Variants in ADARB2 observed in about 807,000 individuals in gnomAD.
ADARB2 encodes adenosine deaminase RNA specific B2 (inactive), also known as inactive double-stranded RNA-specific editase B2.
Under a neutral mutation model 62.2 loss-of-function variants are expected in ADARB2, and 25 were observed. The observed-to-expected ratio is 0.40, with a 90% CI of 0.29 to 0.56. The LOEUF is 0.56. Among genes scored for constraint, ADARB2 ranks in the 20% least tolerant of loss-of-function variants. ADARB2 has a pLI of 0.43. For synonymous variants in ADARB2, 572 were observed against 500.8 expected, an observed-to-expected ratio of 1.14 and a Z score of -1.90; for missense variants, 1,071 against 1,077.4, an observed-to-expected ratio of 0.99 and a Z score of 0.08.
intron 3 of ADARB2, among the ~76,000 whole-genome samples, chr10:1,311,870 ATG>A (rs1035902997): frequency 6.6e-5 from 10 of 152,174 alleles, no homozygotes; most frequent in Non-Finnish European, 1.3e-4. Context: ...CTCCCGGAGA[ATG>A]TGAGTGTAAT....
intron 1 of ADARB2, among the ~76,000 whole-genome samples, chr10:1,554,892 C>A (rs181847958): frequency 1.5e-4 from 23 of 152,216 alleles, no homozygotes; most frequent in Non-Finnish European, 2.4e-4. Context: ...TGTCCCCCTG[C>A]CCCCTCCCAG....
intron 1 of ADARB2, among the ~76,000 whole-genome samples, chr10:1,514,999 C>T (rs1831991419): frequency 6.6e-6 from 1 of 151,978 alleles, no homozygotes; most frequent in African/African-American, 2.4e-5. Flanking sequence ...TGGAAAGGCA[C>T]ACTGTGAACA....
At chr10:1,537,252 C>A (rs746866557) in intron 1 of ADARB2, among the ~76,000 whole-genome samples, 2 of 152,188 alleles carry the variant, frequency 1.3e-5, no homozygotes, top group Non-Finnish European at 2.9e-5. Context: ...CAAATCAAAA[C>A]CACACTGAGA....
intron 3 of ADARB2, among the ~76,000 whole-genome samples, chr10:1,284,512 G>T (rs1343281438): frequency 6.6e-6 from 1 of 152,196 alleles, no homozygotes; most frequent in South Asian, 2.1e-4. Flanking sequence ...CACCCTGCGA[G>T]GCTCTCGATT....
Position 1,405,887 on chromosome 10 carries a change from G to GTTTATTAAACCCTTCCCCTAGATA in ADARB2, c.101-26728_101-26727insTATCTAGGGGAAGGGTTTAATAAA, listed in dbSNP as rs1564281239. Among the ~76,000 whole-genome samples, 3 of 150,332 alleles carry GTTTATTAAACCCTTCCCCTAGATA rather than the reference G, an allele frequency of 2.0e-5. 1 individual carries two copies. Among genetic ancestry groups the GTTTATTAAACCCTTCCCCTAGATA allele is most frequent in the Non-Finnish European group, 3.0e-5 (2 of 67,402 alleles). On this transcript the variant is annotated intron_variant, in intron 1 of 9. Transcript: ENST00000381312. Reference sequence around the variant, plus strand: ...CATTTATGAAACCCTTCGCCATGATGCACCTGTTTATTAAACCCTTCCCCT... The same window carrying GTTTATTAAACCCTTCCCCTAGATA: ...CATTTATGAAACCCTTCGCCATGATGTTTATTAAACCCTTCCCCTAGATACACCTGTTTATTAAACCCTTCCCCT...
intron 3 of ADARB2, among the ~76,000 whole-genome samples, chr10:1,329,577 T>G (rs1831908293): frequency 6.6e-6 from 1 of 152,202 alleles, no homozygotes; most frequent in Admixed American, 6.5e-5. Context: ...TGGTGGTTTC[T>G]GCCCCATCAG....
intron 1 of ADARB2, among the ~76,000 whole-genome samples, chr10:1,732,183 T>A (rs919980007): frequency 6.6e-6 from 1 of 151,896 alleles, no homozygotes; most frequent in Non-Finnish European, 1.5e-5. Flanking sequence ...TATATACATA[T>A]ACATACATAC....
chr10:1,209,331 TCACCCA>T (rs1269977596), intron 7 of ADARB2, among the ~76,000 whole-genome samples: 23 of 140,730 alleles, frequency 1.6e-4, no homozygotes, highest in African/African-American at 6.0e-4. Flanking sequence ...ACCCACGCCA[TCACCCA>T]CACCCATGCC....
At position 1,617,319 on chromosome 10, in the gene ADARB2, C is replaced by T. The variant is rs1349855664; in HGVS notation, c.100+119732G>A. Among the ~76,000 whole-genome samples, 20 of 118,622 alleles carry T rather than the reference C, an allele frequency of 1.7e-4. 2 individuals are homozygous for T. The Admixed American group carries it at 1.8e-3, about 11-fold the overall frequency. 77.8% of individuals were successfully genotyped at this position (118,622 alleles called of 152,430 possible). ...GCCCGTCCAGACACACTCCACACCG[C>T]CCTGCTGAGCTCTGCATCCTGGGAA... is the stretch of plus-strand genomic sequence containing the variant. On this transcript the variant is annotated intron_variant, in intron 1 of 9. Transcript: ENST00000381312.
Position 1,287,137 on chromosome 10 carries a change from G to A in ADARB2, c.1078-16068C>T, listed in dbSNP as rs1177177932. On this transcript the variant is annotated intron_variant, in intron 3 of 9. Coordinates refer to ENST00000381312, the MANE Select transcript of ADARB2 (RefSeq NM_018702.4). ...CTGTCTTGGCTAACTCTCTGACTTT[G>A]CTGCTGCTGGTGAGGCCTGTCCCCC... is the stretch of plus-strand genomic sequence containing the variant. Among the ~76,000 whole-genome samples the A allele has an allele frequency of 2.0e-5, 3 of 152,274 alleles. No individual in the cohort carries two copies. In the East Asian group the frequency reaches 5.8e-4, roughly 29 times the overall value.
chr10:1,536,751 G>A (rs1832337957), intron 1 of ADARB2, among the ~76,000 whole-genome samples: 1 of 152,136 alleles, frequency 6.6e-6, no homozygotes, highest in Non-Finnish European at 1.5e-5. Flanking sequence ...GGGAAAACTG[G>A]CCAGCCGCAA....
At chr10:1,196,855 G>C (rs1836918108) in intron 8 of ADARB2, among the ~76,000 whole-genome samples, 2 of 152,242 alleles carry the variant, frequency 1.3e-5, no homozygotes, top group African/African-American at 4.8e-5. Flanking sequence ...TCCCACCTCA[G>C]CCTTCCAAAG....
chr10:1,476,918 G>C (rs748508820), intron 1 of ADARB2, among the ~76,000 whole-genome samples: 1 of 152,086 alleles, frequency 6.6e-6, no homozygotes, highest in Non-Finnish European at 1.5e-5. Context: ...TCACATGCTC[G>C]GGAACACTCC....
At chr10:1,588,523 G>A in intron 1 of ADARB2, among the ~76,000 whole-genome samples, 1 of 152,218 alleles carries the variant, frequency 6.6e-6, no homozygotes, top group East Asian at 1.9e-4. Context: ...GGGAGGATTT[G>A]CTGGTGAACA....
chr10:1,506,256 G>T (rs973503339), intron 1 of ADARB2, among the ~76,000 whole-genome samples: 1 of 152,120 alleles, frequency 6.6e-6, no homozygotes, highest in African/African-American at 2.4e-5. Context: ...TTGTCGTGCG[G>T]CTCATTTCAA....
chr10:1,611,219 C>T (rs1009900064), intron 1 of ADARB2, among the ~76,000 whole-genome samples: 1 of 152,148 alleles, frequency 6.6e-6, no homozygotes, highest in Non-Finnish European at 1.5e-5. Flanking sequence ...TTTGGAGGCG[C>T]GGAGTGAATG....
intron 2 of ADARB2, among the ~76,000 whole-genome samples, chr10:1,370,280 C>T (rs1832357076): frequency 1.3e-5 from 2 of 150,754 alleles, no homozygotes; most frequent in Non-Finnish European, 3.0e-5. Flanking sequence ...TGTCAACAAA[C>T]TAGGCATTGT....
At chr10:1,675,871 G>T (rs1834461084) in intron 1 of ADARB2, 1 of 755,924 alleles carries the variant, frequency 1.3e-6, no homozygotes, top group South Asian at 6.0e-5. Flanking sequence ...GCAGAGGCCA[G>T]CCTCAGCTCT....
In ADARB2 at chr10:1,477,513, A is replaced by C. The variant is rs951454032; in HGVS notation, c.101-98353T>G. 1.3e-5 allele frequency among the ~76,000 whole-genome samples: 2 copies of C among 151,940 alleles called. No individual in the cohort carries two copies. The highest frequency in any genetic ancestry group is 1.5e-5 in the Non-Finnish European group (1 of 67,986). The stretch of plus-strand genomic sequence containing the variant: ...ACGTATCTTCGTGCTTTCTCTAATA[A>C]ATCTGCCTTCTTTACCCACGACTGT... On this transcript the variant is annotated intron_variant, in intron 1 of 9. Coordinates refer to ENST00000381312, the MANE Select transcript of ADARB2 (RefSeq NM_018702.4). This position sits in a 1 kb window ranked among gnomAD's most constrained non-coding sequence, Gnocchi z 4.5.
Sources: gnomAD v4.1 joint callset for allele counts (sites outside exome capture counted in the v4.1 genomes callset) on GRCh38, gnomAD v4.1.1 for gene constraint, Gnocchi (gnomAD v3.1) non-coding constraint, MANE v1.5 for transcripts, NCBI Gene and HGNC (gene_info 2026-07-23, HGNC 2026-07-21) for gene names.